Variants in ZNF425 observed in about 807,000 individuals in gnomAD.
ZNF425 encodes the protein zinc finger protein 425.
A neutral mutation model predicts 17.0 loss-of-function variants in ZNF425; 21 were observed. The ratio of observed to expected loss-of-function variants is 1.23; its 90% CI spans 0.88 to 1.78. The LOEUF (loss-of-function observed/expected upper bound fraction) is 1.78, where lower values mean the gene tolerates loss of function less well. Among genes scored for constraint, ZNF425 ranks in the 40% most tolerant of loss-of-function variants. The probability of loss-of-function intolerance (pLI) is 0.00; values close to 1 mark genes in which losing one functional copy is unlikely to be tolerated. For synonymous variants in ZNF425, 433 were observed against 384.1 expected (o/e 1.13, Z -1.49); for missense variants, 868 against 967.3 (o/e 0.90, Z 1.36).
chr7:149,108,124 A>G (rs1464017434), intron 3 of ZNF425, among the ~76,000 whole-genome samples: 1 of 151,822 alleles, frequency 6.6e-6, no homozygotes, highest in Non-Finnish European at 1.5e-5. Context: ...TTCCTGCCTC[A>G]GCCTCACAAA....
At chr7:149,111,607 A>G in intron 3 of ZNF425, among the ~76,000 whole-genome samples, 1 of 147,640 alleles carries the variant, frequency 6.8e-6, no homozygotes, top group East Asian at 1.9e-4. Context: ...AAAAAAAAAA[A>G]AAAAAAAAAA....
intron 2 of ZNF425, among the ~76,000 whole-genome samples, chr7:149,115,556 G>A (rs546031055): frequency 8.6e-5 from 13 of 152,028 alleles, no homozygotes; most frequent in African/African-American, 3.1e-4. Flanking sequence ...CAGGTGTGGT[G>A]GCGCACGCCT....
chr7:149,122,575 T>C (rs987783823), intron 1 of ZNF425, among the ~76,000 whole-genome samples: 1 of 152,178 alleles, frequency 6.6e-6, no homozygotes, highest in African/African-American at 2.4e-5. Context: ...CCTTTATTGA[T>C]TGTGCTGGTG....
At chr7:149,124,216 C>T (rs1234832331) in intron 1 of ZNF425, among the ~76,000 whole-genome samples, 3 of 144,802 alleles carry the variant, frequency 2.1e-5, no homozygotes, top group African/African-American at 7.7e-5. Flanking sequence ...AGTGCAGTGG[C>T]GTGATCTTGG....
In ZNF425 at chr7:149,104,615, C is replaced by T; in HGVS notation, c.1256G>A (p.Cys419Tyr). The T allele has an allele frequency of 6.2e-7, 1 of 1,614,196 alleles. No homozygotes were observed. Among genetic ancestry groups the T allele is most frequent in the Non-Finnish European group, 8.5e-7 (1 of 1,180,052 alleles). The change falls in exon 4 of 4, where the codon TGT becomes TAT. Residue 419 changes from cysteine (C) to tyrosine (Y), a missense_variant. Coordinates refer to ENST00000378061, the MANE Select transcript of ZNF425 (RefSeq NM_001001661.3). The surrounding 1 kb of genome is among the most constrained non-coding windows in gnomAD (Gnocchi z 4.3). Reference sequence around the variant, plus strand: ...TCTCTTGAGGCGGAAACTTTTGTTACACTCGGGACACGAAAAGGGCTTCTC... The same window carrying T: ...TCTCTTGAGGCGGAAACTTTTGTTATACTCGGGACACGAAAAGGGCTTCTC... Reference protein sequence around the residue: ...TGEKPFSCPECNKSFRLKRSL... With the variant: ...TGEKPFSCPEYNKSFRLKRSL...
chr7:149,118,379 T>G (rs759933819), intron 1 of ZNF425, 31 bp from the exon 2 acceptor site: 2 of 1,611,232 alleles, frequency 1.2e-6, no homozygotes, highest in African/African-American at 2.7e-5. Flanking sequence ...CACATACATT[T>G]TTACTTTACG....
chr7:149,124,322 A>AT (rs1347110913), intron 1 of ZNF425, among the ~76,000 whole-genome samples: 1 of 145,978 alleles, frequency 6.9e-6, no homozygotes, highest in Non-Finnish European at 1.5e-5. Flanking sequence ...CGCCCGGCTA[A>AT]TTTTTTGTAA....
chr7:149,112,343 A>G (rs1428766524), intron 2 of ZNF425, 48 bp from the exon 3 acceptor site: 15 of 1,574,168 alleles, frequency 9.5e-6, no homozygotes, highest in Non-Finnish European at 1.3e-5. Context: ...ATACTTAAAT[A>G]ATTTTTTTGG....
intron 1 of ZNF425, among the ~76,000 whole-genome samples, chr7:149,119,578 C>T (rs1036829224): frequency 6.6e-5 from 10 of 152,094 alleles, no homozygotes; most frequent in Non-Finnish European, 1.2e-4. Flanking sequence ...CTACAGTCAG[C>T]CTTTGTATTC....
chr7:149,115,027 C>G (rs917011335), intron 2 of ZNF425, among the ~76,000 whole-genome samples: 1 of 148,570 alleles, frequency 6.7e-6, no homozygotes, highest in Admixed American at 6.7e-5. Context: ...CTCCAACTCC[C>G]AGGTTCAAGC....
intron 2 of ZNF425, among the ~76,000 whole-genome samples, chr7:149,114,042 G>A (rs1339050162): frequency 1.4e-5 from 2 of 147,446 alleles, no homozygotes; most frequent in South Asian, 4.3e-4. Context: ...AGACTGTTCA[G>A]TTTAAATATC....
intron 2 of ZNF425, among the ~76,000 whole-genome samples, chr7:149,117,119 G>A (rs1440046359): frequency 6.6e-6 from 1 of 151,898 alleles, no homozygotes; most frequent in Admixed American, 6.6e-5. Context: ...AAAAAAATTA[G>A]CCAGCGCGGT....
chr7:149,118,407 T>G, intron 1 of ZNF425, 59 bp from the exon 2 acceptor site: 1 of 1,580,892 alleles, frequency 6.3e-7, no homozygotes, highest in East Asian at 2.2e-5. Flanking sequence ...TGTTTTTCAA[T>G]GTCCATTACT....
intron 1 of ZNF425, among the ~76,000 whole-genome samples, chr7:149,121,593 T>C (rs1030765849): frequency 5.3e-5 from 8 of 152,122 alleles, no homozygotes; most frequent in African/African-American, 1.9e-4. Flanking sequence ...GGTTTCACTA[T>C]GTTGGTCAGG....
In ZNF425 at chr7:149,115,944, C is replaced by T. The variant is rs537962484; in HGVS notation, c.145+2278G>A. The stretch of plus-strand genomic sequence containing the variant: ...GGGGCTGGGATCTGGATGTTCTATA[C>T]GGAAAATCATTGGCAGGTAATACCA... On this transcript the variant is annotated intron_variant, in intron 2 of 3. Transcript: ENST00000378061. Among the ~76,000 whole-genome samples, 9 of 152,262 alleles carry T rather than the reference C, an allele frequency of 5.9e-5. 1 individual carries two copies. The South Asian group carries it at 6.2e-4, about 11-fold the overall frequency.
rs1212558885 is a variant in ZNF425 at position 149,104,066 on chromosome 7, C to G, written c.1805G>C (p.Arg602Thr). The change falls in exon 4 of 4, where the codon AGG (arginine) becomes ACG (threonine). Residue 602 changes from arginine (R) to threonine (T), a missense_variant. Physicochemically the swap from Arg to Thr is moderately conservative, Grantham distance 71. This residue lies in a region of ZNF425 where 437 missense variants were observed against 444.2 expected (regional missense o/e 0.98). Coordinates refer to ENST00000378061, the MANE Select transcript of ZNF425 (RefSeq NM_001001661.3). The surrounding 1 kb of genome is among the most constrained non-coding windows in gnomAD (Gnocchi z 4.3). ...GTAGGGCTTCTCTCCACTGTGCAGC[C>G]TCAGGTGCTCGGTGAGCTGAGACTG... is the stretch of plus-strand genomic sequence containing the variant. ...THQSQLTEHL[R>T]LHSGEKPYQC... The G allele has an allele frequency of 2.5e-6, 4 of 1,613,374 alleles. No individual in the cohort carries two copies. The highest frequency in any genetic ancestry group is 4.5e-5 in the East Asian group (2 of 44,882).
chr7:149,105,326 T>G lies in ZNF425; in HGVS notation c.545A>C (p.Glu182Ala), dbSNP rs1826062916. Reference protein sequence around the residue: ...HKPRETPGRLEIPTGPRCYSC... With the variant: ...HKPRETPGRLAIPTGPRCYSC... ...ATAGCATCTTGGCCCTGTGGGAATT[T>G]CTAAGCGCCCTGGGGTCTCCCGAGG... is the stretch of plus-strand genomic sequence containing the variant. The change falls in exon 4 of 4, where the codon GAA (glutamate) becomes GCA (alanine). Residue 182 changes from glutamate (E) to alanine (A), a missense_variant. By Grantham distance (107) the Glu-to-Ala change is moderately radical. Around this residue, in one of 5 missense-constraint regions of ZNF425, gnomAD observed 179 missense variants for 216.3 expected, o/e 0.83. Transcript: ENST00000378061. 28 of 1,614,176 alleles carry G rather than the reference T, an allele frequency of 1.7e-5. No homozygotes were observed. Among genetic ancestry groups the G allele is most frequent in the Non-Finnish European group, 2.4e-5 (28 of 1,180,008 alleles).
At position 149,108,450 on chromosome 7, in the gene ZNF425, TG is replaced by T. The variant is rs913072273; in HGVS notation, c.305-2885del. 8.1e-4 allele frequency among the ~76,000 whole-genome samples: 123 copies of T among 152,338 alleles called. 1 individual carries two copies. The highest frequency in any genetic ancestry group is 2.9e-3 in the African/African-American group (122 of 41,584). ...TACCTTGAATCCCCTTCCTCATCACTGGAAGTTAAATCTTCCTAAAAACATG... is the reference window on the plus strand; with the variant it reads ...TACCTTGAATCCCCTTCCTCATCACTGAAGTTAAATCTTCCTAAAAACATG... On this transcript the variant is annotated intron_variant, in intron 3 of 3. Coordinates refer to ENST00000378061, the MANE Select transcript of ZNF425 (RefSeq NM_001001661.3).
At position 149,104,040 on chromosome 7, in the gene ZNF425, G is replaced by C. The variant is rs1444594279; in HGVS notation, c.1831C>G (p.Gln611Glu). 6.2e-7 allele frequency: 1 copy of C among 1,613,750 alleles called. No individual in the cohort carries two copies. Among genetic ancestry groups the C allele is most frequent in the African/African-American group, 1.3e-5 (1 of 74,914 alleles). ...AAAGTCTTCTCGCATTCAGGACACT[G>C]GTAGGGCTTCTCTCCACTGTGCAGC... The part of the protein sequence containing the change: ...LRLHSGEKPY[Q>E]CPECEKTFRL... The change falls in exon 4 of 4, where the codon CAG (glutamine) becomes GAG (glutamate). Residue 611 changes from glutamine to glutamate, a missense_variant. This residue lies in a region of ZNF425 where 437 missense variants were observed against 444.2 expected (regional missense o/e 0.98). Transcript: ENST00000378061. This position sits in a 1 kb window ranked among gnomAD's most constrained non-coding sequence, Gnocchi z 4.3.
Sources: gnomAD v4.1 joint callset for allele counts (sites outside exome capture counted in the v4.1 genomes callset) on GRCh38, gnomAD v4.1.1 for gene constraint, gnomAD v4.1.1 regional missense constraint, Gnocchi (gnomAD v3.1) non-coding constraint, MANE v1.5 for transcripts, NCBI Gene and HGNC (gene_info 2026-07-23, HGNC 2026-07-21) for gene names.